The following RTN4 variants were observed in gnomAD, a reference collection of about 807,000 sequenced individuals.
The protein encoded by RTN4 is reticulon 4, also known as reticulon-4.
Under a neutral mutation model 90.4 loss-of-function variants are expected in RTN4, and 32 were observed. That is an observed-to-expected ratio of 0.35 (90% CI 0.27 to 0.48). The LOEUF is 0.48. Among genes scored for constraint, RTN4 ranks in the 20% least tolerant of loss-of-function variants. The pLI is 0.99. For synonymous variants in RTN4, 629 were observed against 552.5 expected (o/e 1.14, Z -1.94); for missense variants, 1,706 against 1,430.2 (o/e 1.19, Z -3.11).
At chr2:55,030,972 C>A (rs1682270518) in intron 1 of RTN4, among the ~76,000 whole-genome samples, 1 of 152,130 alleles carries the variant, frequency 6.6e-6, no homozygotes, top group Non-Finnish European at 1.5e-5. Context: ...AGGTACTGTG[C>A]TGAGCCGGCA....
chr2:55,047,166 C>G (rs993340941), intron 1 of RTN4, among the ~76,000 whole-genome samples: 3 of 151,992 alleles, frequency 2.0e-5, no homozygotes, highest in Non-Finnish European at 4.4e-5. Flanking sequence ...CCCGTCTCTA[C>G]TAAAAATACA....
chr2:55,109,662 G>A (rs1346696722), intron 1 of RTN4, among the ~76,000 whole-genome samples: 1 of 152,180 alleles, frequency 6.6e-6, no homozygotes, highest in African/African-American at 2.4e-5. Flanking sequence ...TTGATGCTCT[G>A]GAGCAAGGGG....
rs752729628 is a variant in RTN4, at chr2:55,028,176, G to C, written c.601C>G (p.Arg201Gly). ...ALPAASEPVI[R>G]SSAENMDLKE... ...AGAAAGAACTTGCCTGCAGAGGAGC[G>C]TATCACAGGCTCAGATGCAGCAGGA... is the stretch of plus-strand genomic sequence containing the variant. Residue 201 changes from arginine (R) to glycine (G), a missense_variant, in exon 2 of 9, where the codon CGC becomes GGC. Coordinates refer to ENST00000337526, the MANE Select transcript of RTN4 (RefSeq NM_020532.5). 1 of 1,612,672 alleles carries C rather than the reference G, an allele frequency of 6.2e-7. No homozygotes were observed. Among genetic ancestry groups the C allele is most frequent in the Non-Finnish European group, 8.5e-7 (1 of 1,179,272 alleles).
the RTN4 span, among the ~76,000 whole-genome samples, chr2:55,126,128 C>T: frequency 1.3e-5 from 2 of 150,878 alleles, no homozygotes; most frequent in South Asian, 2.1e-4. Flanking sequence ...CTTTGGGAGG[C>T]CAAGGAGGGC....
chr2:55,031,194 A>T (rs2104892063), intron 1 of RTN4, among the ~76,000 whole-genome samples: 1 of 152,378 alleles, frequency 6.6e-6, no homozygotes, highest in South Asian at 2.1e-4. Flanking sequence ...AACTAAAAAT[A>T]TGGGCAAAAT....
the RTN4 span, among the ~76,000 whole-genome samples, chr2:55,126,350 CAA>C: frequency 6.9e-6 from 1 of 145,392 alleles, no homozygotes; most frequent in African/African-American, 2.6e-5. Flanking sequence ...GCCTGGGAAA[CAA>C]GAGCAAAACT....
At chr2:55,000,301 T>C (rs924857947) in intron 3 of RTN4, among the ~76,000 whole-genome samples, 1 of 152,194 alleles carries the variant, frequency 6.6e-6, no homozygotes, top group Admixed American at 6.5e-5. Flanking sequence ...AGCCAGCATC[T>C]GTCTTGGCTA....
At chr2:55,110,418 C>T (rs1021766057) in intron 1 of RTN4, among the ~76,000 whole-genome samples, 1 of 152,032 alleles carries the variant, frequency 6.6e-6, no homozygotes, top group African/African-American at 2.4e-5. Flanking sequence ...TACCCCTTCT[C>T]ACCTTCCATT....
chr2:54,994,459 A>C (rs924849075), intron 3 of RTN4, among the ~76,000 whole-genome samples: 1 of 152,240 alleles, frequency 6.6e-6, no homozygotes, highest in Non-Finnish European at 1.5e-5. Flanking sequence ...AATCATATTA[A>C]TAGGATAAGG....
intron 1 of RTN4, among the ~76,000 whole-genome samples, chr2:55,103,701 TTTG>T (rs1167189260): frequency 6.6e-6 from 1 of 152,116 alleles, no homozygotes; most frequent in African/African-American, 2.4e-5. Flanking sequence ...GTGTAGCTTT[TTTG>T]TTGTTGTTGA....
intron 3 of RTN4, among the ~76,000 whole-genome samples, chr2:55,016,964 T>G (rs953193968): frequency 1.3e-5 from 2 of 152,212 alleles, no homozygotes. Context: ...ATCTCTTTTT[T>G]ATGGTACATA....
chr2:55,025,996 T>C lies in RTN4; in HGVS notation c.2103A>G (p.Leu701=), dbSNP rs771024529. The C allele has an allele frequency of 6.2e-7, 1 of 1,612,810 alleles. No homozygotes were observed. The highest frequency in any genetic ancestry group is 1.1e-5 in the South Asian group (1 of 90,900). ...EAPYISIACD[L]IKETKLSAEP... ...CAGCAGAAAGCTTTGTTTCTTTAAT[T>C]AAATCACATGCAATAGATATATAAG... is the stretch of plus-strand genomic sequence containing the variant. Residue 701 remains leucine, a synonymous_variant, in exon 3 of 9, where the codon TTA becomes TTG. Coordinates refer to ENST00000337526, the MANE Select transcript of RTN4 (RefSeq NM_020532.5).
intron 3 of RTN4, among the ~76,000 whole-genome samples, chr2:54,992,663 G>A (rs17046569): frequency 0.12 from 17,651 of 151,988 alleles, 1,521 homozygotes; most frequent in African/African-American, 0.24. Context: ...CAAGAGAAAT[G>A]TGTAGCCATT....
chr2:55,098,674 T>A (rs978109489), intron 1 of RTN4, among the ~76,000 whole-genome samples: 8 of 152,128 alleles, frequency 5.3e-5, no homozygotes, highest in African/African-American at 1.2e-4. Flanking sequence ...CTTTTAATTT[T>A]AAAAAATTAA....
chr2:55,130,310 C>T, the RTN4 span, among the ~76,000 whole-genome samples: 2 of 152,174 alleles, frequency 1.3e-5, no homozygotes, highest in African/African-American at 2.4e-5. Context: ...CTAAACCATA[C>T]ATTTCTATAG....
At chr2:55,004,738 C>G (rs1463394904) in intron 3 of RTN4, among the ~76,000 whole-genome samples, 1 of 152,058 alleles carries the variant, frequency 6.6e-6, no homozygotes, top group Non-Finnish European at 1.5e-5. Flanking sequence ...AGTGATGAAG[C>G]CATCACTGTT....
intron 1 of RTN4, among the ~76,000 whole-genome samples, chr2:55,097,292 A>G (rs1322445215): frequency 7.7e-6 from 1 of 130,018 alleles, no homozygotes; most frequent in African/African-American, 2.8e-5. Flanking sequence ...ACAGAGTGAA[A>G]TTCTGTCTCA....
chr2:55,041,544 G>A (rs535956213), intron 1 of RTN4, among the ~76,000 whole-genome samples: 1 of 152,022 alleles, frequency 6.6e-6, no homozygotes, highest in Admixed American at 6.5e-5. Context: ...AAAAGCAGAG[G>A]AAATATTTCA....
Position 55,025,863 on chromosome 2 carries a change from C to G in RTN4, c.2236G>C (p.Asp746His). ...EDSSPDSEPV[D>H]LFSDDSIPDV... ...GGTATTGAATCATCACTAAATAAGT[C>G]AACTGGTTCAGAATCAGGTGAGGAA... is the stretch of plus-strand genomic sequence containing the variant. The change falls in exon 3 of 9, where the codon GAC (aspartate) becomes CAC (histidine). Residue 746 changes from aspartate to histidine, a missense_variant. Coordinates refer to ENST00000337526, the MANE Select transcript of RTN4 (RefSeq NM_020532.5). The G allele has an allele frequency of 6.2e-7, 1 of 1,613,692 alleles. No individual in the cohort carries two copies. The highest frequency in any genetic ancestry group is 8.5e-7 in the Non-Finnish European group (1 of 1,179,836).
Sources: gnomAD v4.1 joint callset for allele counts (sites outside exome capture counted in the v4.1 genomes callset) on GRCh38, gnomAD v4.1.1 for gene constraint, MANE v1.5 for transcripts, NCBI Gene and HGNC (gene_info 2026-07-23, HGNC 2026-07-21) for gene names.